The following PKHD1L1 variants were observed in gnomAD, a reference collection of about 807,000 sequenced individuals.
The protein encoded by PKHD1L1 is PKHD1 like 1.
PKHD1L1 carries 434 observed loss-of-function variants against 462.9 expected under a neutral mutation model. The ratio of observed to expected loss-of-function variants is 0.94; its 90% CI spans 0.87 to 1.02. The LOEUF (loss-of-function observed/expected upper bound fraction) is 1.02. Ranked by LOEUF, PKHD1L1 falls within the 50% of genes least tolerant of loss-of-function variation. PKHD1L1 has a pLI of 0.00. For missense variants in PKHD1L1, 5,202 were observed against 5,096.1 expected, an observed-to-expected ratio of 1.02 and a Z score of -0.63; for synonymous variants, 1,781 against 1,750.0, an observed-to-expected ratio of 1.02 and a Z score of -0.44.
rs1418815102 is a variant in PKHD1L1, at chr8:109,412,429, A to G, written c.2235+15A>G. On this transcript the variant is annotated intron_variant, in intron 20 of 77. Coordinates refer to ENST00000378402, the MANE Select transcript of PKHD1L1 (RefSeq NM_177531.6). ...CTTATAATCAGGTAAGCTCAACAAAATGATATGCTAATTGAATCTGGAAAA... is the reference window on the plus strand; with the variant it reads ...CTTATAATCAGGTAAGCTCAACAAAGTGATATGCTAATTGAATCTGGAAAA... 3.2e-6 allele frequency: 5 copies of G among 1,583,790 alleles called. No individual in the cohort carries two copies. Among genetic ancestry groups the G allele is most frequent in the Non-Finnish European group, 4.3e-6 (5 of 1,164,376 alleles).
chr8:109,389,499 AGTGTGTGTGTGT>A (rs55680302), intron 8 of PKHD1L1, among the ~76,000 whole-genome samples: 8,854 of 140,804 alleles, frequency 0.063, 362 homozygotes, highest in Admixed American at 0.14. Context: ...ATCTTTTAAG[AGTGTGTGTGTGT>A]GTGTGTGTGT....
chr8:109,454,208 G>C lies in PKHD1L1; in HGVS notation c.6706G>C (p.Ala2236Pro), dbSNP rs764521900. The change falls in exon 44 of 78, where the codon GCA becomes CCA. Residue 2236 changes from alanine to proline, a missense_variant. Transcript: ENST00000378402. Reference protein sequence around the residue: ...IFDEADIELQAENILITDGGV... With the variant: ...IFDEADIELQPENILITDGGV... ...TGATGAAGCTGACATTGAACTCCAG[G>C]CAGAAAATATTCTAATTACAGATGG... 1 of 1,608,200 alleles carries C rather than the reference G, an allele frequency of 6.2e-7. No homozygotes were observed. The highest frequency in any genetic ancestry group is 8.5e-7 in the Non-Finnish European group (1 of 1,177,066).
chr8:109,421,009 T>C (rs555910883), intron 23 of PKHD1L1, among the ~76,000 whole-genome samples: 26 of 152,150 alleles, frequency 1.7e-4, no homozygotes, highest in African/African-American at 6.3e-4. Flanking sequence ...GAGAGAAAAA[T>C]TGAGATTCTG....
Position 109,436,332 on chromosome 8 carries a change from A to G in PKHD1L1, c.3506-6A>G. ...GTTGTTGTTTTTGTTTGCTTTTCTTATGAAGGTGGTACTCTACTGACTTTA... is the reference window on the plus strand; with the variant it reads ...GTTGTTGTTTTTGTTTGCTTTTCTTGTGAAGGTGGTACTCTACTGACTTTA... On this transcript the variant is annotated splice_region_variant and splice_polypyrimidine_tract_variant and intron_variant, in intron 29 of 77. Transcript: ENST00000378402. The G allele has an allele frequency of 1.2e-6, 2 of 1,601,766 alleles. No individual in the cohort carries two copies. The highest frequency in any genetic ancestry group is 1.7e-6 in the Non-Finnish European group (2 of 1,177,148).
At chr8:109,381,022 T>G (rs1175389418) in intron 2 of PKHD1L1, among the ~76,000 whole-genome samples, 1 of 152,088 alleles carries the variant, frequency 6.6e-6, no homozygotes. Context: ...GAATGGGAAA[T>G]ACAGTATTCA....
chr8:109,429,583 C>G, intron 26 of PKHD1L1, 121 bp downstream of exon 26: 1 of 944,752 alleles, frequency 1.1e-6, no homozygotes, highest in Non-Finnish European at 1.6e-6. Context: ...GAACATTTGT[C>G]TTAATATTGA....
chr8:109,459,611 A>G lies in PKHD1L1; in HGVS notation c.7021A>G (p.Asn2341Asp). The change falls in exon 47 of 78, where the codon AAT becomes GAT. Residue 2341 changes from asparagine (N) to aspartate (D), a missense_variant. By Grantham distance (23) the Asn-to-Asp change is conservative (BLOSUM62 1). This residue lies in a region of PKHD1L1 where 4,497 missense variants were observed against 4,336.8 expected (regional missense o/e 1.04). Transcript: ENST00000378402. The part of the protein sequence containing the change: ...STGHRHSQGE[N>D]EKMTIASVSA... ...TTTTTACAGACACAGTCAAGGAGAG[A>G]ATGAAAAAATGACCATTGCATCTGT... is the stretch of plus-strand genomic sequence containing the variant. The G allele has an allele frequency of 1.9e-6, 3 of 1,564,246 alleles. No homozygotes were observed. The highest frequency in any genetic ancestry group is 2.6e-6 in the Non-Finnish European group (3 of 1,153,576).
chr8:109,518,197 T>G lies in PKHD1L1; in HGVS notation c.11720T>G (p.Val3907Gly). ...TTCCTTCCTAACCTGGATTCCACTGTCCTTGGTGAAAACTACTTTGATGGA... is the reference window on the plus strand; with the variant it reads ...TTCCTTCCTAACCTGGATTCCACTGGCCTTGGTGAAAACTACTTTGATGGA... ...DQFLPNLDST[V>G]LGENYFDGTY... Residue 3907 changes from valine (V) to glycine (G), a missense_variant, in exon 73 of 78, where the codon GTC (valine) becomes GGC (glycine). Coordinates refer to ENST00000378402, the MANE Select transcript of PKHD1L1 (RefSeq NM_177531.6). 6.2e-7 allele frequency: 1 copy of G among 1,605,666 alleles called. No individual in the cohort carries two copies. The highest frequency in any genetic ancestry group is 8.5e-7 in the Non-Finnish European group (1 of 1,173,196).
intron 2 of PKHD1L1, among the ~76,000 whole-genome samples, chr8:109,367,593 T>G (rs986258909): frequency 1.3e-5 from 2 of 152,208 alleles, no homozygotes; most frequent in Non-Finnish European, 2.9e-5. Context: ...TTTAAAAGGC[T>G]GTGGTTGGGC....
rs752318928 is a variant in PKHD1L1, at chr8:109,464,226, C to T, written c.7394C>T (p.Ala2465Val). Reference sequence around the variant, plus strand: ...TTCTGGGCTTAACAGGTATTCCATGCTGGCCAGGCTTTCCGGTTGGGGCGA... The same window carrying T: ...TTCTGGGCTTAACAGGTATTCCATGTTGGCCAGGCTTTCCGGTTGGGGCGA... ...GRIEYVEVFH[A>V]GQAFRLGRYP... The change falls in exon 49 of 78, where the codon GCT (alanine) becomes GTT (valine). Residue 2465 changes from alanine (A) to valine (V), a missense_variant. By Grantham distance (64) the Ala-to-Val change is moderately conservative. Coordinates refer to ENST00000378402, the MANE Select transcript of PKHD1L1 (RefSeq NM_177531.6). 1.3e-6 allele frequency: 2 copies of T among 1,591,234 alleles called. No homozygotes were observed. Among genetic ancestry groups the T allele is most frequent in the Non-Finnish European group, 8.6e-7 (1 of 1,163,788 alleles).
At chr8:109,441,784 C>T (rs959798909) in intron 34 of PKHD1L1, among the ~76,000 whole-genome samples, 10 of 151,754 alleles carry the variant, frequency 6.6e-5, no homozygotes, top group Admixed American at 3.3e-4. Flanking sequence ...TGTTGATCAT[C>T]GCTTTTGCAG....
chr8:109,423,252 T>C (rs1053932666), intron 23 of PKHD1L1, among the ~76,000 whole-genome samples: 1 of 152,136 alleles, frequency 6.6e-6, no homozygotes, highest in African/African-American at 2.4e-5. Flanking sequence ...TTTCTAAAAA[T>C]CCTACAGATT....
At chr8:109,394,555 C>A in intron 10 of PKHD1L1, 70 bp downstream of exon 10, 8 of 1,032,640 alleles carry the variant, frequency 7.7e-6, no homozygotes, top group Non-Finnish European at 1.1e-5. Flanking sequence ...TTAATCAAAC[C>A]AAAGACAATG....
intron 67 of PKHD1L1, among the ~76,000 whole-genome samples, chr8:109,499,789 A>G (rs1292290309): frequency 6.6e-6 from 1 of 152,232 alleles, no homozygotes; most frequent in Non-Finnish European, 1.5e-5. Context: ...AAGGAAGAGA[A>G]CAGGGCAAGG....
chr8:109,449,234 A>T, intron 39 of PKHD1L1, 104 bp from the exon 40 acceptor site: 1 of 1,145,768 alleles, frequency 8.7e-7, no homozygotes, highest in Non-Finnish European at 1.2e-6. Context: ...CTCTTCATTT[A>T]ATGTAACTTA....
chr8:109,506,857 T>C (rs1819715391), intron 68 of PKHD1L1, among the ~76,000 whole-genome samples: 1 of 152,192 alleles, frequency 6.6e-6, no homozygotes, highest in East Asian at 1.9e-4. Flanking sequence ...CGGTATTCTA[T>C]GAGTATATTG....
intron 43 of PKHD1L1, 39 bp downstream of exon 43, chr8:109,452,913 T>C: frequency 7.7e-7 from 1 of 1,294,730 alleles, no homozygotes; most frequent in Non-Finnish European, 1.0e-6. Context: ...CTCTGCCTGA[T>C]AAATATTTCT....
At chr8:109,393,931 C>G (rs1016044189) in intron 9 of PKHD1L1, among the ~76,000 whole-genome samples, 1 of 152,024 alleles carries the variant, frequency 6.6e-6, no homozygotes, top group Non-Finnish European at 1.5e-5. Flanking sequence ...AATCCCAGCA[C>G]TTTGGGAGGC....
At chr8:109,377,432 A>G (rs1811894624) in intron 2 of PKHD1L1, among the ~76,000 whole-genome samples, 1 of 152,206 alleles carries the variant, frequency 6.6e-6, no homozygotes, top group African/African-American at 2.4e-5. Context: ...TGAAATTTAA[A>G]TAGCTTATAA....
Sources: allele counts gnomAD v4.1 joint callset (sites outside exome capture counted in the v4.1 genomes callset), GRCh38; gene constraint gnomAD v4.1.1; regional missense constraint gnomAD v4.1.1; transcripts MANE v1.5; gene names NCBI Gene and HGNC (gene_info 2026-07-23, HGNC 2026-07-21).